Variants in TRAP1 observed in about 807,000 individuals in gnomAD.
TRAP1 encodes the protein TNF receptor associated protein 1, also known as heat shock protein 75 kDa, mitochondrial.
In TRAP1, 102 loss-of-function variants were observed where a neutral mutation model predicts 89.1. That is an observed-to-expected ratio of 1.15 (90% CI 0.98 to 1.35). The LOEUF (loss-of-function observed/expected upper bound fraction) is 1.35. Ranked by LOEUF, TRAP1 falls within the 40% of genes most tolerant of loss-of-function variation. The probability of loss-of-function intolerance (pLI) is 0.00; values close to 1 mark genes in which losing one functional copy is unlikely to be tolerated. For synonymous variants in TRAP1, 508 were observed against 388.0 expected (o/e 1.31, Z -3.64); for missense variants, 1,256 against 945.3 (o/e 1.33, Z -4.31).
At chr16:3,686,165 C>T (rs754502133) in intron 3 of TRAP1, 29 bp from the exon 4 acceptor site, 2 of 1,610,192 alleles carry the variant, frequency 1.2e-6, no homozygotes, top group Non-Finnish European at 1.7e-6. Context: ...GAGGCACAGA[C>T]AATGAAGGAC....
Position 3,666,059 on chromosome 16 carries a change from T to C in TRAP1, c.1295A>G (p.Lys432Arg). ...AAACTTTGCATACTTCTCAGCATCT[T>C]TTTTACTCTGGTCAATGAAGAATTT... ...LIKFFIDQSK[K>R]DAEKYAKFFE... The change falls in exon 12 of 18, where the codon AAA (lysine) becomes AGA (arginine). Residue 432 changes from lysine (K) to arginine (R), a missense_variant. By Grantham distance (26) the Lys-to-Arg change is conservative (BLOSUM62 2). Coordinates refer to ENST00000246957, the MANE Select transcript of TRAP1 (RefSeq NM_016292.3). 6.2e-7 allele frequency: 1 copy of C among 1,614,192 alleles called. No homozygotes were observed. The highest frequency in any genetic ancestry group is 8.5e-7 in the Non-Finnish European group (1 of 1,180,022).
chr16:3,661,226 C>T (rs904745472), intron 16 of TRAP1: 5 of 152,112 alleles, frequency 3.3e-5, no homozygotes, highest in Non-Finnish European at 7.4e-5. Context: ...CTAAATAGAT[C>T]ACATTCATGG....
At chr16:3,661,169 T>C (rs190194537) in intron 16 of TRAP1, 1 of 152,184 alleles carries the variant, frequency 6.6e-6, no homozygotes, top group Non-Finnish European at 1.5e-5. Context: ...TTAAAAATGG[T>C]ACCAGAACCC....
At chr16:3,677,307 G>A (rs1004040552) in intron 6 of TRAP1, among the ~76,000 whole-genome samples, 191 bp downstream of exon 6, 1 of 152,116 alleles carries the variant, frequency 6.6e-6, no homozygotes, top group Non-Finnish European at 1.5e-5. Context: ...CAACCACATG[G>A]GACCAGACAG....
chr16:3,692,717 G>T (rs1337502705), intron 1 of TRAP1, among the ~76,000 whole-genome samples: 2 of 146,824 alleles, frequency 1.4e-5, no homozygotes, highest in South Asian at 4.5e-4. Context: ...TCCTGCCTCA[G>T]CCTCCCGAGT....
intron 11 of TRAP1, among the ~76,000 whole-genome samples, chr16:3,666,898 TTTC>T: frequency 6.6e-6 from 1 of 152,292 alleles, no homozygotes; most frequent in Non-Finnish European, 1.5e-5. Flanking sequence ...ATATTTTTAT[TTTC>T]TTCTTAATAT....
intron 7 of TRAP1, among the ~76,000 whole-genome samples, chr16:3,675,772 G>T (rs2050982655): frequency 6.6e-6 from 1 of 152,226 alleles, no homozygotes; most frequent in Non-Finnish European, 1.5e-5. Context: ...AAACCCCCAG[G>T]TGCACTAAAG....
chr16:3,697,012 C>T (rs953085216), intron 1 of TRAP1, among the ~76,000 whole-genome samples: 1 of 152,216 alleles, frequency 6.6e-6, no homozygotes, highest in Non-Finnish European at 1.5e-5. Context: ...AGCCGTAAGA[C>T]ACCACGCCCA....
rs890734107 is a variant in TRAP1, at chr16:3,699,094, T to G, written c.89-8109A>C. On this transcript the variant is annotated intron_variant, in intron 1 of 17. Transcript: ENST00000246957. ...GGTCGCACAAAATGGGAAGCACTGA[T>G]AGTTTGAATGTGACACCACACACCC... Among the ~76,000 whole-genome samples the G allele has an allele frequency of 2.6e-5, 4 of 152,152 alleles. No homozygotes were observed. The South Asian group carries it at 8.3e-4, about 32-fold the overall frequency.
At chr16:3,663,378 G>A (rs746404302) in intron 14 of TRAP1, 46 bp downstream of exon 14, 23 of 1,611,308 alleles carry the variant, frequency 1.4e-5, no homozygotes, top group Admixed American at 6.7e-5. Context: ...AGAGGCGTGC[G>A]GGGAGTGGAA....
intron 15 of TRAP1, chr16:3,662,664 T>C: frequency 2.9e-6 from 2 of 689,448 alleles, no homozygotes; most frequent in Non-Finnish European, 2.7e-6. Flanking sequence ...TCACACCTGC[T>C]CTGGAGCAGG....
intron 11 of TRAP1, among the ~76,000 whole-genome samples, chr16:3,667,713 A>G (rs1037692006): frequency 1.3e-5 from 2 of 151,454 alleles, no homozygotes; most frequent in African/African-American, 4.8e-5. Context: ...ACAGGAAATC[A>G]GCCCATATAA....
At chr16:3,700,017 A>C (rs2051344105) in intron 1 of TRAP1, among the ~76,000 whole-genome samples, 1 of 151,634 alleles carries the variant, frequency 6.6e-6, no homozygotes, top group African/African-American at 2.4e-5. Flanking sequence ...CCAGCATATG[A>C]CATTTCCCAC....
intron 4 of TRAP1, among the ~76,000 whole-genome samples, chr16:3,684,840 C>T (rs907170563): frequency 3.3e-5 from 5 of 152,098 alleles, no homozygotes; most frequent in African/African-American, 9.7e-5. Context: ...CTCCCATCGG[C>T]TATTGAGAAT....
At chr16:3,659,160 A>G (rs1596671878) in intron 16 of TRAP1, 5 of 315,488 alleles carry the variant, frequency 1.6e-5, no homozygotes, top group Non-Finnish European at 2.9e-5. Flanking sequence ...TTCCTAGATA[A>G]ATAATAAAAG....
intron 1 of TRAP1, among the ~76,000 whole-genome samples, chr16:3,691,669 A>G (rs936318249): frequency 2.0e-5 from 3 of 152,234 alleles, no homozygotes; most frequent in Non-Finnish European, 4.4e-5. Flanking sequence ...GTCAAGCAAA[A>G]AAAAAATCCT....
chr16:3,716,691 C>T (rs1823393277), intron 1 of TRAP1, among the ~76,000 whole-genome samples: 2 of 152,192 alleles, frequency 1.3e-5, no homozygotes, highest in Admixed American at 6.5e-5. Context: ...TGTACAGCCC[C>T]GAAGCAATGC....
intron 1 of TRAP1, among the ~76,000 whole-genome samples, chr16:3,711,034 A>G (rs1341186839): frequency 1.4e-5 from 2 of 140,008 alleles, no homozygotes; most frequent in African/African-American, 5.4e-5. Context: ...GCTAATTGGA[A>G]AAAAAAAAAA....
chr16:3,697,808 G>C (rs187055481), intron 1 of TRAP1, among the ~76,000 whole-genome samples: 5 of 143,680 alleles, frequency 3.5e-5, no homozygotes, highest in East Asian at 2.0e-4. Context: ...TTTTTTCCTC[G>C]AGAAGGTCTT....
Sources: allele counts gnomAD v4.1 joint callset (sites outside exome capture counted in the v4.1 genomes callset), GRCh38; gene constraint gnomAD v4.1.1; transcripts MANE v1.5; gene names NCBI Gene and HGNC (gene_info 2026-07-23, HGNC 2026-07-21).